MRPL18: variants seen among roughly 807,000 people sequenced by gnomAD.
MRPL18 encodes the protein mitochondrial ribosomal protein L18, also known as large ribosomal subunit protein uL18m.
In MRPL18, 16 loss-of-function variants were observed where a neutral mutation model predicts 20.9. That is an observed-to-expected ratio of 0.76 (90% CI 0.52 to 1.16). The LOEUF is 1.16. MRPL18 is among the 50% of genes most tolerant of loss of function. The pLI, the probability that MRPL18 is intolerant of heterozygous loss-of-function variation, is 0.00. For synonymous variants in MRPL18, 91 were observed against 87.1 expected, an observed-to-expected ratio of 1.04 and a Z score of -0.25; for missense variants, 233 against 230.6, an observed-to-expected ratio of 1.01 and a Z score of -0.07.
intron 1 of MRPL18, 110 bp downstream of exon 1, chr6:159,790,749 G>A: frequency 2.0e-6 from 3 of 1,478,344 alleles, no homozygotes; most frequent in South Asian, 1.2e-5. Context: ...AATAGAGCTC[G>A]CGGCACTGCG....
intron 2 of MRPL18, 145 bp downstream of exon 2, chr6:159,791,271 G>C: frequency 1.2e-6 from 1 of 868,700 alleles, no homozygotes; most frequent in Non-Finnish European, 1.8e-6. Flanking sequence ...CAACAAATAG[G>C]TGTGATGGGG....
At chr6:159,798,026 C>CT (rs751520050) in intron 3 of MRPL18, 26 bp from the exon 4 acceptor site, 35 of 1,595,674 alleles carry the variant, frequency 2.2e-5, no homozygotes, top group Middle Eastern at 1.7e-4. Context: ...TAATCTTTTC[C>CT]TTTTTTTTCT....
At chr6:159,790,913 C>T (rs769960278) in intron 1 of MRPL18, 27 bp from the exon 2 acceptor site, 4 of 1,612,648 alleles carry the variant, frequency 2.5e-6, no homozygotes, top group South Asian at 1.1e-5. Flanking sequence ...CATTTTTAAG[C>T]CCTGTGCGGT....
rs1781089516 is a variant in MRPL18 at position 159,798,227 on chromosome 6, C to T, written c.*104C>T. 2.2e-6 allele frequency: 2 copies of T among 891,010 alleles called. No individual in the cohort carries two copies. Among genetic ancestry groups the T allele is most frequent in the Non-Finnish European group, 3.5e-6 (2 of 574,416 alleles). 55.2% of individuals were successfully genotyped at this position (891,010 alleles called of 1,614,324 possible). On this transcript the variant is annotated 3_prime_UTR_variant, in exon 4 of 4. Coordinates refer to ENST00000367034, the MANE Select transcript of MRPL18 (RefSeq NM_014161.5). ...AACAGCCAGCTTGGAAGTTTTACAGCAATAATGTTGCAGTGGAATATTATT... is the reference window on the plus strand; with the variant it reads ...AACAGCCAGCTTGGAAGTTTTACAGTAATAATGTTGCAGTGGAATATTATT...
chr6:159,791,236 G>C, intron 2 of MRPL18, 110 bp downstream of exon 2: 6 of 1,341,676 alleles, frequency 4.5e-6, no homozygotes, highest in East Asian at 2.4e-5. Flanking sequence ...GGTAGAGGCA[G>C]GGTTCGCGGA....
intron 2 of MRPL18, among the ~76,000 whole-genome samples, chr6:159,791,366 A>G (rs990341529): frequency 6.6e-6 from 1 of 152,200 alleles, no homozygotes; most frequent in Non-Finnish European, 1.5e-5. Context: ...TGAAAGAGGA[A>G]GAAGCCTAGT....
At chr6:159,793,595 T>C (rs1355610579) in intron 2 of MRPL18, among the ~76,000 whole-genome samples, 3 of 152,134 alleles carry the variant, frequency 2.0e-5, no homozygotes, top group Non-Finnish European at 2.9e-5. Flanking sequence ...GGAAAAAGAT[T>C]GTTGACTCCT....
At position 159,791,032 on chromosome 6, in the gene MRPL18, A is replaced by C. The variant is rs747513635; in HGVS notation, c.145A>C (p.Thr49Pro). The stretch of plus-strand genomic sequence containing the variant: ...AAATGAAGCTGTCGCCCCAGAATTC[A>C]CCAACCGGAACCCCCGGAACCTGGA... The part of the protein sequence containing the change: ...VENEAVAPEF[T>P]NRNPRNLELL... The change falls in exon 2 of 4, where the codon ACC becomes CCC. Residue 49 changes from threonine to proline, a missense_variant. Thr to Pro is a conservative substitution (Grantham distance 38). Transcript: ENST00000367034. The C allele has an allele frequency of 1.2e-6, 2 of 1,614,144 alleles. No individual in the cohort carries two copies. The highest frequency in any genetic ancestry group is 1.7e-6 in the Non-Finnish European group (2 of 1,180,014).
upstream of MRPL18, chr6:159,789,845 T>A (rs1437388183): frequency 3.2e-6 from 1 of 308,530 alleles, no homozygotes; most frequent in African/African-American, 2.1e-5. Flanking sequence ...CCTCAAACGA[T>A]GTTGCGCAGA....
chr6:159,797,646 C>A, intron 3 of MRPL18, 128 bp downstream of exon 3: 1 of 785,044 alleles, frequency 1.3e-6, no homozygotes. Context: ...GGTGAGTACT[C>A]AACAGTGTTA....
rs1017064341 is a variant in MRPL18, at chr6:159,792,820, T to C, written c.239+1694T>C. ...TCCCAGCTAATTTGTTTTGTTTTGT[T>C]TGAGACAAGCTCTGGCTCTATCACC... is the stretch of plus-strand genomic sequence containing the variant. On this transcript the variant is annotated intron_variant, in intron 2 of 3. Transcript: ENST00000367034. 3.3e-5 allele frequency among the ~76,000 whole-genome samples: 5 copies of C among 152,138 alleles called. No individual in the cohort carries two copies. In the East Asian group the frequency reaches 9.6e-4, roughly 29 times the overall value.
In MRPL18 at chr6:159,790,988, C is replaced by G. The variant is rs374477443; in HGVS notation, c.101C>G (p.Pro34Arg). The change falls in exon 2 of 4, where the codon CCT becomes CGT. Residue 34 changes from proline (P) to arginine (R), a missense_variant. By Grantham distance (103) the Pro-to-Arg change is moderately radical. Transcript: ENST00000367034. ...ACCAGCTCCGAGCCGGCAGCGAAAC[C>G]TGAAGTGGACCCTGTGGAAAATGAA... is the stretch of plus-strand genomic sequence containing the variant. ...LSTSSEPAAK[P>R]EVDPVENEAV... 13 of 1,614,206 alleles carry G rather than the reference C, an allele frequency of 8.1e-6. No individual in the cohort carries two copies. In the African/African-American group the frequency reaches 1.5e-4, roughly 18 times the overall value.
intron 2 of MRPL18, among the ~76,000 whole-genome samples, chr6:159,796,838 C>T (rs1160164840): frequency 6.6e-6 from 1 of 152,054 alleles, no homozygotes. Context: ...ATATGCATAC[C>T]TTGAGATTAT....
rs934310693 is a variant in MRPL18 at position 159,798,258 on chromosome 6, T to C, written c.*135T>C. 2 of 655,958 alleles carry C rather than the reference T, an allele frequency of 3.0e-6. No individual in the cohort carries two copies. The highest frequency in any genetic ancestry group is 1.9e-5 in the African/African-American group (1 of 53,590). 40.6% of individuals were successfully genotyped at this position (655,958 alleles called of 1,614,324 possible). The stretch of plus-strand genomic sequence containing the variant: ...TGTTGCAGTGGAATATTATTTGTAG[T>C]TAAGGTCATCCTCCTCCCCTTTCTG... On this transcript the variant is annotated 3_prime_UTR_variant, in exon 4 of 4. Transcript: ENST00000367034.
At chr6:159,792,335 T>G (rs985966456) in intron 2 of MRPL18, among the ~76,000 whole-genome samples, 12 of 152,170 alleles carry the variant, frequency 7.9e-5, no homozygotes, top group Admixed American at 5.2e-4. Flanking sequence ...GTTGTAAGAG[T>G]AAATTGGAAA....
rs1246213391 is a variant in MRPL18 at position 159,797,515 on chromosome 6, C to T, written c.468C>T (p.Asp156=). 1.2e-6 allele frequency: 2 copies of T among 1,613,320 alleles called. No individual in the cohort carries two copies. Among genetic ancestry groups the T allele is most frequent in the South Asian group, 1.1e-5 (1 of 91,088 alleles). Residue 156 remains aspartate, a synonymous_variant, in exon 3 of 4, where the codon GAC becomes GAT. Transcript: ENST00000367034. ...YQPTPWEAAS[D]SMKRLQSAMT... is the part of the protein sequence containing the mutation. ...CAACCCCGTGGGAGGCAGCCTCAGA[C>T]TCGGTATTTTTGTTTTCATGTACTT...
intron 2 of MRPL18, among the ~76,000 whole-genome samples, chr6:159,793,467 ACT>A (rs562766401): frequency 3.9e-4 from 60 of 152,090 alleles, no homozygotes; most frequent in Admixed American, 5.2e-4. Flanking sequence ...AGCTGTACCT[ACT>A]CTCATTTGTT....
upstream of MRPL18, chr6:159,790,348 T>C (rs1780835937): frequency 3.2e-6 from 2 of 621,318 alleles, no homozygotes; most frequent in Non-Finnish European, 5.7e-6. Flanking sequence ...GTTGGTGGGC[T>C]CCAGGGCCTG....
At chr6:159,793,138 C>A (rs1780945145) in intron 2 of MRPL18, among the ~76,000 whole-genome samples, 1 of 152,068 alleles carries the variant, frequency 6.6e-6, no homozygotes, top group Non-Finnish European at 1.5e-5. Flanking sequence ...CAACGCATTA[C>A]TTTGATTTAA....
Sources: allele counts gnomAD v4.1 joint callset (sites outside exome capture counted in the v4.1 genomes callset), GRCh38; gene constraint gnomAD v4.1.1; transcripts MANE v1.5; gene names NCBI Gene and HGNC (gene_info 2026-07-23, HGNC 2026-07-21).